The following GRB7 variants were observed in gnomAD, a reference collection of about 807,000 sequenced individuals.
GRB7 encodes the protein growth factor receptor bound protein 7, also known as growth factor receptor-bound protein 7.
In GRB7, 47 loss-of-function variants were observed where a neutral mutation model predicts 64.1. The observed-to-expected ratio is 0.73, with a 90% CI of 0.58 to 0.94. GRB7 has a LOEUF of 0.94. Among genes scored for constraint, GRB7 ranks in the 40% least tolerant of loss-of-function variants. The pLI, the probability that GRB7 is intolerant of heterozygous loss-of-function variation, is 0.00. For missense variants in GRB7, 634 were observed against 718.4 expected (o/e 0.88, Z 1.34); for synonymous variants, 277 against 279.9 (o/e 0.99, Z 0.10).
Position 39,745,500 on chromosome 17 carries a change from GCT to G in GRB7, c.1174_1175del (p.Leu392GlufsTer47). On this transcript the variant is annotated frameshift_variant, in exon 11 of 15. Coordinates refer to ENST00000309156, the MANE Select transcript of GRB7 (RefSeq NM_005310.5). LOFTEE classifies it high-confidence loss of function. ...GCGTGTCATTGAGAACCCCCGGGAGGCTCTGAGTGTGGCCCTGGAGGAGGCCC... is the reference window on the plus strand; with the variant it reads ...GCGTGTCATTGAGAACCCCCGGGAGGCTGAGTGTGGCCCTGGAGGAGGCCC... ...AGRVIENPRE[A>X]LSVALEEAQA... 1 of 1,613,978 alleles carries G rather than the reference GCT, an allele frequency of 6.2e-7. No homozygotes were observed. Among genetic ancestry groups the G allele is most frequent in the South Asian group, 1.1e-5 (1 of 91,090 alleles).
chr17:39,745,352 G>T, intron 10 of GRB7, 29 bp downstream of exon 10: 1 of 1,605,338 alleles, frequency 6.2e-7, no homozygotes, highest in South Asian at 1.1e-5. Context: ...ATGGGAGGGT[G>T]GGTATGCAGG....
chr17:39,745,673 T>C, intron 11 of GRB7, 55 bp from the exon 12 acceptor site: 1 of 1,593,346 alleles, frequency 6.3e-7, no homozygotes, highest in Non-Finnish European at 8.6e-7. Flanking sequence ...CCTGAGGTGC[T>C]GGGTAATGCC....
chr17:39,743,478 G>T lies in GRB7; in HGVS notation c.663+8G>T. On this transcript the variant is annotated splice_region_variant and intron_variant, in intron 6 of 14. Transcript: ENST00000309156. Reference sequence around the variant, plus strand: ...CATGAAGACCTCATCCAGGTGGGGGGACCCCCCATTTCACTGCAGATTCAC... The same window carrying T: ...CATGAAGACCTCATCCAGGTGGGGGTACCCCCCATTTCACTGCAGATTCAC... The T allele has an allele frequency of 1.2e-6, 2 of 1,612,464 alleles. No homozygotes were observed. The highest frequency in any genetic ancestry group is 2.2e-5 in the East Asian group (1 of 44,866).
chr17:39,745,395 A>AC, intron 10 of GRB7, 27 bp from the exon 11 acceptor site: 1 of 1,611,716 alleles, frequency 6.2e-7, no homozygotes. Flanking sequence ...CCCTGTTCTG[A>AC]CCTCTCTCCT....
At chr17:39,744,745 G>C (rs2060028711) in intron 8 of GRB7, 82 bp downstream of exon 8, 1 of 1,378,318 alleles carries the variant, frequency 7.3e-7, no homozygotes, top group South Asian at 1.2e-5. Flanking sequence ...GGGCTTCTGA[G>C]CCCCAATTCA....
At chr17:39,741,757 C>T (rs1345429145) in intron 1 of GRB7, among the ~76,000 whole-genome samples, 1 of 152,062 alleles carries the variant, frequency 6.6e-6, no homozygotes, top group East Asian at 1.9e-4. Context: ...TGGTGGCTTA[C>T]GCCTGTAATC....
In GRB7 at chr17:39,743,401, G is replaced by A. The variant is rs780160699; in HGVS notation, c.594G>A (p.Leu198=). Reference sequence around the variant, plus strand: ...CACTTGTCTACCCACAGCACTCCCTGTTCCCAGAAAAAATGGTCTCCAGCT... The same window carrying A: ...CACTTGTCTACCCACAGCACTCCCTATTCCCAGAAAAAATGGTCTCCAGCT... The part of the protein sequence containing the change: ...YELFKSSPHS[L]FPEKMVSSCL... The change falls in exon 6 of 15, where the codon CTG becomes CTA. Residue 198 remains leucine (L), a synonymous_variant. Coordinates refer to ENST00000309156, the MANE Select transcript of GRB7 (RefSeq NM_005310.5). The A allele has an allele frequency of 1.9e-6, 3 of 1,614,186 alleles. No homozygotes were observed. The highest frequency in any genetic ancestry group is 1.6e-4 in the Middle Eastern group (1 of 6,062).
rs757613371 is a variant in GRB7 at position 39,742,604 on chromosome 17, C to A, written c.194C>A (p.Pro65His). The change falls in exon 3 of 15, where the codon CCC (proline) becomes CAC (histidine). Residue 65 changes from proline to histidine, a missense_variant. By Grantham distance (77) the Pro-to-His change is moderately conservative. Coordinates refer to ENST00000309156, the MANE Select transcript of GRB7 (RefSeq NM_005310.5). ...GAGGAGAGGCGTGCCACCTCCCTCCCCTCTATCCCCAACCCCTTCCCTGAG... is the reference window on the plus strand; with the variant it reads ...GAGGAGAGGCGTGCCACCTCCCTCCACTCTATCCCCAACCCCTTCCCTGAG... ...REEERRATSL[P>H]SIPNPFPELC... 1.9e-6 allele frequency: 3 copies of A among 1,613,752 alleles called. No homozygotes were observed. In the African/African-American group the frequency reaches 4.0e-5, roughly 22 times the overall value.
At chr17:39,743,569 AAG>A (rs1358574315) in intron 6 of GRB7, 99 bp downstream of exon 6, 81 of 953,512 alleles carry the variant, frequency 8.5e-5, no homozygotes, top group Admixed American at 2.9e-4. Flanking sequence ...ATGTTGTAGA[AAG>A]AGCCAAATCA....
At position 39,745,989 on chromosome 17, in the gene GRB7, C is replaced by T; in HGVS notation, c.1347C>T (p.Gly449=). Residue 449 remains glycine (G), a synonymous_variant, in exon 13 of 15, where the codon GGC becomes GGT. Transcript: ENST00000309156. ...EESQRLIGQQ[G]LVDGLFLVRE... Reference sequence around the variant, plus strand: ...GCCAGCGGCTTATTGGACAGCAGGGCTTGGTAGACGGGTAAGGGGCAGGGC... The same window carrying T: ...GCCAGCGGCTTATTGGACAGCAGGGTTTGGTAGACGGGTAAGGGGCAGGGC... 6.2e-7 allele frequency: 1 copy of T among 1,614,030 alleles called. No individual in the cohort carries two copies. The highest frequency in any genetic ancestry group is 1.1e-5 in the South Asian group (1 of 91,088).
intron 1 of GRB7, among the ~76,000 whole-genome samples, chr17:39,741,219 C>T (rs2059991759): frequency 6.6e-6 from 1 of 152,200 alleles, no homozygotes; most frequent in Non-Finnish European, 1.5e-5. Context: ...GGCCCCCGCA[C>T]AGTGCTGAGA....
intron 1 of GRB7, among the ~76,000 whole-genome samples, chr17:39,741,587 C>T (rs1267548009): frequency 1.3e-5 from 2 of 152,368 alleles, no homozygotes; most frequent in South Asian, 2.1e-4. Flanking sequence ...GTGCCCCACA[C>T]GTGGAGGCAA....
intron 3 of GRB7, 26 bp from the exon 4 acceptor site, chr17:39,742,872 A>G: frequency 1.3e-6 from 2 of 1,560,026 alleles, no homozygotes; most frequent in Non-Finnish European, 1.7e-6. Flanking sequence ...CCTCCCCTCA[A>G]GTCGTGTGCA....
intron 1 of GRB7, among the ~76,000 whole-genome samples, chr17:39,741,493 A>G (rs2143397446): frequency 6.6e-6 from 1 of 152,228 alleles, no homozygotes; most frequent in South Asian, 2.1e-4. Context: ...GGCAGGCCAA[A>G]CCTCGCCAAG....
At chr17:39,744,722 T>A in intron 8 of GRB7, 59 bp downstream of exon 8, 1 of 1,452,834 alleles carries the variant, frequency 6.9e-7, no homozygotes, top group Non-Finnish European at 9.5e-7. Context: ...CTCAGGCCCC[T>A]GGATCCTGCC....
Position 39,744,955 on chromosome 17 carries a change from TGCTG to T in GRB7, c.991_994del (p.Ala331ProfsTer33), listed in dbSNP as rs780600687. 2 of 1,613,994 alleles carry T rather than the reference TGCTG, an allele frequency of 1.2e-6. No individual in the cohort carries two copies. The highest frequency in any genetic ancestry group is 3.3e-5 in the Admixed American group (2 of 60,032). On this transcript the variant is annotated frameshift_variant, in exon 9 of 15. Transcript: ENST00000309156. LOFTEE classifies it high-confidence loss of function. ...CAGTGAAGATGAGCAGAGCCGCACC[TGCTG>T]GCTGGCTGCCTTCCGCCTCTTCAAG...
chr17:39,745,005 T>C, intron 9 of GRB7, 21 bp downstream of exon 9: 1 of 1,591,258 alleles, frequency 6.3e-7, no homozygotes, highest in Non-Finnish European at 8.6e-7. Context: ...GGGAGTGGCA[T>C]GGGGGGCTGG....
intron 9 of GRB7, 31 bp downstream of exon 9, chr17:39,745,015 G>A: frequency 1.3e-6 from 2 of 1,561,450 alleles, no homozygotes. Flanking sequence ...TGGGGGGCTG[G>A]CCTGGCCAGA....
Position 39,743,211 on chromosome 17 carries a change from G to A in GRB7, c.495G>A (p.Val165=), listed in dbSNP as rs1411168997. ...GTTTGGAGGACCACGAGTCCGTGGT[G>A]GAAGTGCAGGCTGCCTGGCCCGTGG... ...ERGLEDHESV[V]EVQAAWPVGG... is the part of the protein sequence containing the mutation. Residue 165 remains valine, a synonymous_variant, in exon 5 of 15, where the codon GTG becomes GTA. Transcript: ENST00000309156. The A allele has an allele frequency of 2.5e-6, 4 of 1,614,072 alleles. No homozygotes were observed. Among genetic ancestry groups the A allele is most frequent in the Non-Finnish European group, 3.4e-6 (4 of 1,180,048 alleles).
Sources: gnomAD v4.1 joint callset for allele counts (sites outside exome capture counted in the v4.1 genomes callset) on GRCh38, gnomAD v4.1.1 for gene constraint, MANE v1.5 for transcripts, NCBI Gene and HGNC (gene_info 2026-07-23, HGNC 2026-07-21) for gene names.